Variants in CFAP58 observed in about 807,000 individuals in gnomAD.
CFAP58 encodes the protein cilia and flagella associated protein 58.
Under a neutral mutation model 119.5 loss-of-function variants are expected in CFAP58, and 88 were observed. The ratio of observed to expected loss-of-function variants is 0.74; its 90% CI spans 0.62 to 0.88. The LOEUF is 0.88. CFAP58 is among the 40% of genes least tolerant of loss of function. The pLI is 0.00. For missense variants in CFAP58, 990 were observed against 1,021.2 expected (o/e 0.97, Z 0.42); for synonymous variants, 365 against 366.3 (o/e 1.00, Z 0.04).
chr10:104,364,887 C>G lies in CFAP58; in HGVS notation c.595C>G (p.Gln199Glu). Reference protein sequence around the residue: ...SKEEAEHAISQFQQEIQQRQN... With the variant: ...SKEEAEHAISEFQQEIQQRQN... ...AGAGGAGGCTGAACATGCCATCAGT[C>G]AGGTCTGCCATGGAGGGCAAGAAGA... Residue 199 changes from glutamine to glutamate, a missense_variant and splice_region_variant, in exon 4 of 18, where the codon CAG becomes GAG. Transcript: ENST00000369704. 8 of 1,611,372 alleles carry G rather than the reference C, an allele frequency of 5.0e-6. No homozygotes were observed. Among genetic ancestry groups the G allele is most frequent in the Non-Finnish European group, 6.8e-6 (8 of 1,178,904 alleles).
At chr10:104,386,816 T>C (rs182769580) in intron 9 of CFAP58, among the ~76,000 whole-genome samples, 12 of 152,354 alleles carry the variant, frequency 7.9e-5, no homozygotes, top group African/African-American at 2.6e-4. Flanking sequence ...TAACAATATA[T>C]TTACTTGTGA....
intron 13 of CFAP58, among the ~76,000 whole-genome samples, chr10:104,401,986 A>G (rs2012274384): frequency 6.6e-6 from 1 of 152,216 alleles, no homozygotes; most frequent in African/African-American, 2.4e-5. Context: ...GCCATGAGTT[A>G]TTTTTATTAC....
intron 9 of CFAP58, among the ~76,000 whole-genome samples, chr10:104,388,058 C>T (rs11595206): frequency 0.051 from 7,746 of 152,084 alleles, 254 homozygotes; most frequent in Non-Finnish European, 0.079. Context: ...AAATAAAGCT[C>T]CTGTTTCATT....
intron 8 of CFAP58, among the ~76,000 whole-genome samples, chr10:104,379,037 A>G (rs979156364): frequency 6.6e-6 from 1 of 152,142 alleles, no homozygotes; most frequent in Non-Finnish European, 1.5e-5. Context: ...GTTGTGGTTA[A>G]ATACACACAA....
At chr10:104,426,865 T>C (rs2012759231) in intron 15 of CFAP58, among the ~76,000 whole-genome samples, 3 of 152,246 alleles carry the variant, frequency 2.0e-5, no homozygotes, top group African/African-American at 4.8e-5. Flanking sequence ...TAAGAAGTGA[T>C]TATTTTCCTC....
Position 104,358,000 on chromosome 10 carries a change from C to CATATGT in CFAP58, c.10-337_10-336insGTATAT, listed in dbSNP as rs1564876327. ...GTACATATGTACACATATATGTACACATATATACACATATATGTACATATA... is the reference window on the plus strand; with the variant it reads ...GTACATATGTACACATATATGTACACATATGTATATATACACATATATGTACATATA... On this transcript the variant is annotated intron_variant, in intron 1 of 17. Coordinates refer to ENST00000369704, the MANE Select transcript of CFAP58 (RefSeq NM_001008723.2). 2.3e-5 allele frequency among the ~76,000 whole-genome samples: 3 copies of CATATGT among 133,272 alleles called. No homozygotes were observed. In the East Asian group the frequency reaches 6.6e-4, roughly 29 times the overall value. The allele number at this position is 133,272 out of a possible 152,430, so 87.4% of individuals were successfully genotyped here.
chr10:104,443,024 A>G (rs2013063341), intron 15 of CFAP58, among the ~76,000 whole-genome samples: 1 of 152,224 alleles, frequency 6.6e-6, no homozygotes, highest in East Asian at 1.9e-4. Flanking sequence ...AATTGCAGTC[A>G]ATGAAATTAT....
At chr10:104,429,329 G>A (rs139785825) in intron 15 of CFAP58, among the ~76,000 whole-genome samples, 2 of 152,300 alleles carry the variant, frequency 1.3e-5, no homozygotes, top group Admixed American at 6.5e-5. Flanking sequence ...AGGGCAGAGA[G>A]CAAAGGAGTG....
upstream of CFAP58, among the ~76,000 whole-genome samples, chr10:104,350,022 C>T (rs764368480): frequency 2.0e-5 from 3 of 152,168 alleles, no homozygotes; most frequent in Admixed American, 6.5e-5. Flanking sequence ...TTACACAGGA[C>T]CTTATTTACT....
chr10:104,365,731 G>A, intron 4 of CFAP58, 83 bp from the exon 5 acceptor site: 11 of 1,245,198 alleles, frequency 8.8e-6, no homozygotes, highest in Non-Finnish European at 1.2e-5. Flanking sequence ...TCACAGACCT[G>A]AGAGAGGAGG....
At position 104,358,574 on chromosome 10, in the gene CFAP58, C is replaced by T. The variant is rs1022703795; in HGVS notation, c.243C>T (p.Ala81=). The change falls in exon 2 of 18, where the codon GCC becomes GCT. Residue 81 remains alanine (A), a synonymous_variant. Coordinates refer to ENST00000369704, the MANE Select transcript of CFAP58 (RefSeq NM_001008723.2). ...TGAATTCTGCGAAGGTCGCCACTGC[C>T]CTTAAGCTCTCTCAGGATGATCAGA... The part of the protein sequence containing the change: ...IVVNSAKVAT[A]LKLSQDDQTT... The T allele has an allele frequency of 6.2e-7, 1 of 1,614,052 alleles. No homozygotes were observed. The highest frequency in any genetic ancestry group is 8.5e-7 in the Non-Finnish European group (1 of 1,180,008).
the CFAP58 span, chr10:104,338,533 C>T: frequency 6.6e-6 from 1 of 152,350 alleles, no homozygotes; most frequent in Non-Finnish European, 1.5e-5. Flanking sequence ...GCCCCGGAAG[C>T]TCCTTAAGGA....
intron 15 of CFAP58, among the ~76,000 whole-genome samples, chr10:104,430,260 C>T (rs779860335): frequency 4.6e-5 from 7 of 152,138 alleles, no homozygotes; most frequent in Non-Finnish European, 7.4e-5. Flanking sequence ...GTCTTAGTGT[C>T]AATGGGGCTA....
chr10:104,436,269 G>A (rs1432320173), intron 15 of CFAP58, among the ~76,000 whole-genome samples: 1 of 152,172 alleles, frequency 6.6e-6, no homozygotes, highest in Non-Finnish European at 1.5e-5. Flanking sequence ...AGTAGTGTAT[G>A]TATATACGAT....
intron 9 of CFAP58, among the ~76,000 whole-genome samples, chr10:104,383,223 G>T (rs1462254766): frequency 6.6e-6 from 1 of 152,128 alleles, no homozygotes; most frequent in Non-Finnish European, 1.5e-5. Flanking sequence ...GGCAGAGCTT[G>T]TCACTTCGTA....
chr10:104,354,424 T>C (rs1241022590), intron 1 of CFAP58, among the ~76,000 whole-genome samples: 5 of 152,092 alleles, frequency 3.3e-5, no homozygotes, highest in Non-Finnish European at 7.4e-5. Context: ...CGTGTGTTCA[T>C]TGACTCCTGT....
intron 15 of CFAP58, among the ~76,000 whole-genome samples, chr10:104,443,771 T>C (rs1489297684): frequency 1.3e-5 from 2 of 152,200 alleles, no homozygotes. Context: ...TGACTCTTAT[T>C]TGCATAGGCT....
chr10:104,356,954 T>C (rs920803672), intron 1 of CFAP58, among the ~76,000 whole-genome samples: 4 of 152,226 alleles, frequency 2.6e-5, no homozygotes, highest in African/African-American at 9.6e-5. Context: ...CCCATTCTTC[T>C]TCATTATTAT....
At chr10:104,441,457 C>G (rs2013036230) in intron 15 of CFAP58, among the ~76,000 whole-genome samples, 1 of 152,200 alleles carries the variant, frequency 6.6e-6, no homozygotes, top group South Asian at 2.1e-4. Flanking sequence ...GCAAATTCTT[C>G]ACATGGATTA....
Sources: gnomAD v4.1 joint callset for allele counts (sites outside exome capture counted in the v4.1 genomes callset) on GRCh38, gnomAD v4.1.1 for gene constraint, MANE v1.5 for transcripts, NCBI Gene and HGNC (gene_info 2026-07-23, HGNC 2026-07-21) for gene names.